C16orf95: variants seen among roughly 807,000 people sequenced by gnomAD.
C16orf95 encodes chromosome 16 open reading frame 95.
In C16orf95, 41 loss-of-function variants were observed where a neutral mutation model predicts 32.1. The ratio of observed to expected loss-of-function variants is 1.28; its 90% CI spans 1.00 to 1.66. C16orf95 has a LOEUF of 1.66. Ranked by LOEUF, C16orf95 falls within the 40% of genes most tolerant of loss-of-function variation. The pLI is 0.00. For missense variants in C16orf95, 399 were observed against 325.9 expected (o/e 1.22, Z -1.73); for synonymous variants, 147 against 128.9 (o/e 1.14, Z -0.95).
chr16:87,307,795 T>A (rs1274993830), intron 5 of C16orf95, among the ~76,000 whole-genome samples: 1 of 151,990 alleles, frequency 6.6e-6, no homozygotes, highest in Non-Finnish European at 1.5e-5. Flanking sequence ...ATAAAAAATA[T>A]CAACTTTGTT....
chr16:87,309,155 G>A (rs1911159137), intron 5 of C16orf95, among the ~76,000 whole-genome samples: 2 of 152,064 alleles, frequency 1.3e-5, no homozygotes, highest in African/African-American at 4.8e-5. Context: ...CCATAAATGT[G>A]ATGTTTGTTT....
chr16:87,308,513 A>C (rs1291600370), intron 5 of C16orf95, among the ~76,000 whole-genome samples: 1 of 130,904 alleles, frequency 7.6e-6, no homozygotes, highest in South Asian at 2.2e-4. Flanking sequence ...TAAATAAATA[A>C]ATAAATAAGC....
intron 5 of C16orf95, among the ~76,000 whole-genome samples, 183 bp downstream of exon 5, chr16:87,310,114 G>A (rs1167370252): frequency 6.6e-6 from 1 of 152,208 alleles, no homozygotes; most frequent in Non-Finnish European, 1.5e-5. Context: ...TGGGCTCACT[G>A]GGGGAAGGCA....
In C16orf95 at chr16:87,317,101, G is replaced by C. The variant is rs1222982283; in HGVS notation, c.142C>G (p.Gln48Glu). The C allele has an allele frequency of 6.6e-7, 1 of 1,525,856 alleles. No individual in the cohort carries two copies. Among genetic ancestry groups the C allele is most frequent in the South Asian group, 1.2e-5 (1 of 82,952 alleles). 94.5% of individuals were successfully genotyped at this position (1,525,856 alleles called of 1,614,324 possible). ...TCAGGACTCACTTGCCTGCCATCCTGCGCGCTGGGTGTGAGTGCCAACCTG... is the reference window on the plus strand; with the variant it reads ...TCAGGACTCACTTGCCTGCCATCCTCCGCGCTGGGTGTGAGTGCCAACCTG... Reference protein sequence around the residue: ...LCRLALTPSAQDGRNSTFQTY... With the variant: ...LCRLALTPSAEDGRNSTFQTY... Residue 48 changes from glutamine (Q) to glutamate (E), a missense_variant, in exon 1 of 7, where the codon CAG (glutamine) becomes GAG (glutamate). Coordinates refer to ENST00000567970, the MANE Select transcript of C16orf95 (RefSeq NM_001195124.3).
intron 6 of C16orf95, among the ~76,000 whole-genome samples, chr16:87,304,337 G>C (rs1308354445): frequency 6.6e-6 from 1 of 152,082 alleles, no homozygotes; most frequent in Admixed American, 6.5e-5. Context: ...TCCAGGTGTG[G>C]GCCACTGTGC....
chr16:87,307,287 G>A (rs925008710), intron 5 of C16orf95, among the ~76,000 whole-genome samples: 3 of 152,278 alleles, frequency 2.0e-5, no homozygotes, highest in African/African-American at 7.2e-5. Flanking sequence ...AGAAAGTAAT[G>A]GTGGGTGTGG....
chr16:87,311,556 C>G (rs1452249720), intron 3 of C16orf95, among the ~76,000 whole-genome samples: 1 of 152,226 alleles, frequency 6.6e-6, no homozygotes, highest in Non-Finnish European at 1.5e-5. Context: ...ACCATCTGCA[C>G]CTGTGCCCTG....
In C16orf95 at chr16:87,315,788, C is replaced by A; in HGVS notation, c.188G>T (p.Cys63Phe). The stretch of plus-strand genomic sequence containing the variant: ...TTTCCTTACCGAATGACGGGGGAGG[C>A]ACACTTCTTTCTTGTAGGTTTGAAA... ...STFQTYKKEV[C>F]LPRHSMHPGP... Residue 63 changes from cysteine to phenylalanine, a missense_variant, in exon 2 of 7, where the codon TGC becomes TTC. Physicochemically the swap from Cys to Phe is radical, Grantham distance 205 (BLOSUM62 -2). Coordinates refer to ENST00000567970, the MANE Select transcript of C16orf95 (RefSeq NM_001195124.3). The A allele has an allele frequency of 6.5e-7, 1 of 1,530,792 alleles. No homozygotes were observed. The highest frequency in any genetic ancestry group is 1.2e-5 in the South Asian group (1 of 82,986). 94.8% of individuals were successfully genotyped at this position (1,530,792 alleles called of 1,614,324 possible).
In C16orf95 at chr16:87,317,125, T is replaced by G. The variant is rs978961384; in HGVS notation, c.118A>C (p.Arg40=). 3.9e-5 allele frequency: 60 copies of G among 1,532,822 alleles called. No individual in the cohort carries two copies. The highest frequency in any genetic ancestry group is 5.2e-5 in the Non-Finnish European group (59 of 1,145,064). 95.0% of individuals were successfully genotyped at this position (1,532,822 alleles called of 1,614,324 possible). The change falls in exon 1 of 7, where the codon AGG becomes CGG. Residue 40 remains arginine (R), a synonymous_variant. Transcript: ENST00000567970. ...TGCGCGCTGGGTGTGAGTGCCAACC[T>G]GCAGAGCCCGACGCACCCCGCGCCC... is the stretch of plus-strand genomic sequence containing the variant. ...GPGAGCVGLC[R]LALTPSAQDG... is the part of the protein sequence containing the mutation.
chr16:87,305,728 A>G lies in C16orf95; in HGVS notation c.692T>C (p.Met231Thr). ...TLLQAIPRVI[M>T]AIRQCFGV is the part of the protein sequence containing the mutation. ...TCCCCCACCTGCTCACCGAATGGCC[A>G]TGATGACCCTCGGGATGGCCTGGAG... The change falls in exon 6 of 7, where the codon ATG (methionine) becomes ACG (threonine). Residue 231 changes from methionine (M) to threonine (T), a missense_variant. Coordinates refer to ENST00000567970, the MANE Select transcript of C16orf95 (RefSeq NM_001195124.3). The surrounding 1 kb of genome is among the most constrained non-coding windows in gnomAD (Gnocchi z 4.2). The G allele has an allele frequency of 6.6e-7, 1 of 1,507,076 alleles. No individual in the cohort carries two copies. The highest frequency in any genetic ancestry group is 8.8e-7 in the Non-Finnish European group (1 of 1,133,448). 93.4% of individuals were successfully genotyped at this position (1,507,076 alleles called of 1,614,324 possible). A position where few individuals can be genotyped will look rare whatever the true frequency, so the allele number is the denominator to read the frequency against.
At chr16:87,314,160 C>T (rs34233496) in intron 3 of C16orf95, among the ~76,000 whole-genome samples, 43,765 of 151,854 alleles carry the variant, frequency 0.29, 7,727 homozygotes, top group Non-Finnish European at 0.41. Context: ...AATTCCACTC[C>T]TTGGTATTTA....
In C16orf95 at chr16:87,305,138, C is replaced by T. The variant is rs751749241; in HGVS notation, c.701+581G>A. Reference sequence around the variant, plus strand: ...TGTTCCCCGAAGCCCAGCTGTGGCCCGGGGAGTGGCCCCGGAGGCTTCCTG... The same window carrying T: ...TGTTCCCCGAAGCCCAGCTGTGGCCTGGGGAGTGGCCCCGGAGGCTTCCTG... On this transcript the variant is annotated intron_variant, in intron 6 of 6. Coordinates refer to ENST00000567970, the MANE Select transcript of C16orf95 (RefSeq NM_001195124.3). This position sits in a 1 kb window ranked among gnomAD's most constrained non-coding sequence, Gnocchi z 4.2. Among the ~76,000 whole-genome samples the T allele has an allele frequency of 1.3e-5, 2 of 152,160 alleles. No homozygotes were observed. The highest frequency in any genetic ancestry group is 2.9e-5 in the Non-Finnish European group (2 of 68,036).
At chr16:87,308,125 G>A (rs1460537196) in intron 5 of C16orf95, among the ~76,000 whole-genome samples, 1 of 152,164 alleles carries the variant, frequency 6.6e-6, no homozygotes. Flanking sequence ...AAGGACTCTG[G>A]TGGAGCTTTC....
chr16:87,305,704 C>G lies in C16orf95; in HGVS notation c.701+15G>C. The G allele has an allele frequency of 1.3e-6, 2 of 1,490,686 alleles. No individual in the cohort carries two copies. Among genetic ancestry groups the G allele is most frequent in the South Asian group, 2.6e-5 (2 of 78,420 alleles). 92.3% of individuals were successfully genotyped at this position (1,490,686 alleles called of 1,614,324 possible). A position where few individuals can be genotyped will look rare whatever the true frequency, so the allele number is the denominator to read the frequency against. On this transcript the variant is annotated intron_variant, in intron 6 of 6. Coordinates refer to ENST00000567970, the MANE Select transcript of C16orf95 (RefSeq NM_001195124.3). The surrounding 1 kb of genome is among the most constrained non-coding windows in gnomAD (Gnocchi z 4.2). ...GCCAGGGCCACCCACTGTCCCCCAT[C>G]CCCCACCTGCTCACCGAATGGCCAT...
rs540816679 is a variant in C16orf95 at position 87,311,214 on chromosome 16, G to A, written c.413C>T (p.Pro138Leu). ...CATCACTGCCTGGTCCCTAGGCATC[G>A]GGAGGCGGCCCCCAAAGCGGTGGCA... is the stretch of plus-strand genomic sequence containing the variant. ...CLCHRFGGRL[P>L]MPRDQAVMPY... The change falls in exon 4 of 7, where the codon CCG becomes CTG. Residue 138 changes from proline (P) to leucine (L), a missense_variant. By Grantham distance (98) the Pro-to-Leu change is moderately conservative (BLOSUM62 -3). Coordinates refer to ENST00000567970, the MANE Select transcript of C16orf95 (RefSeq NM_001195124.3). 1.8e-5 allele frequency: 28 copies of A among 1,535,822 alleles called. No homozygotes were observed. The highest frequency in any genetic ancestry group is 4.8e-5 in the South Asian group (4 of 84,046).
At chr16:87,309,372 CTTTTTTTTTTTTT>C (rs10551847) in intron 5 of C16orf95, among the ~76,000 whole-genome samples, 8 of 86,040 alleles carry the variant, frequency 9.3e-5, no homozygotes, top group South Asian at 4.4e-4. Flanking sequence ...TCTTTCTTTT[CTTTTTTTTTTTTT>C]TTTTTTTTTT....
chr16:87,308,664 G>A (rs936684593), intron 5 of C16orf95, among the ~76,000 whole-genome samples: 4 of 152,204 alleles, frequency 2.6e-5, no homozygotes, highest in African/African-American at 7.2e-5. Context: ...GATAGCCATT[G>A]CTTTGGTTGT....
Position 87,305,212 on chromosome 16 carries a change from A to C in C16orf95, c.701+507T>G, listed in dbSNP as rs1910958673. ...CATGGCTGTGGGCAGCAAGGGTGCC[A>C]GGGGCGAAACTCGAAGCCTGGGCGA... is the stretch of plus-strand genomic sequence containing the variant. On this transcript the variant is annotated intron_variant, in intron 6 of 6. Transcript: ENST00000567970. The surrounding 1 kb of genome is among the most constrained non-coding windows in gnomAD (Gnocchi z 4.2). Among the ~76,000 whole-genome samples, 2 of 152,162 alleles carry C rather than the reference A, an allele frequency of 1.3e-5. No individual in the cohort carries two copies. Among genetic ancestry groups the C allele is most frequent in the African/African-American group, 4.8e-5 (2 of 41,462 alleles).
At position 87,305,851 on chromosome 16, in the gene C16orf95, T is replaced by C. The variant is rs1911000417; in HGVS notation, c.569A>G (p.Glu190Gly). Residue 190 changes from glutamate (E) to glycine (G), a missense_variant, in exon 6 of 7, where the codon GAG becomes GGG. Coordinates refer to ENST00000567970, the MANE Select transcript of C16orf95 (RefSeq NM_001195124.3). The surrounding 1 kb of genome is among the most constrained non-coding windows in gnomAD (Gnocchi z 4.2). ...CTGCTGGAACTTGGACAACAGGCAC[T>C]CATCACCGCAGATCCGCCAGCAGTT... ...WHNCWRICGD[E>G]CLLSKFQQLQ... The C allele has an allele frequency of 4.1e-6, 6 of 1,469,994 alleles. No individual in the cohort carries two copies. In the African/African-American group the frequency reaches 7.2e-5, roughly 18 times the overall value. The allele number at this position is 1,469,994 out of a possible 1,614,324, so 91.1% of individuals were successfully genotyped here. A position where few individuals can be genotyped will look rare whatever the true frequency, so the allele number is the denominator to read the frequency against.
Sources: allele counts gnomAD v4.1 joint callset (sites outside exome capture counted in the v4.1 genomes callset), GRCh38; gene constraint gnomAD v4.1.1; non-coding constraint Gnocchi (gnomAD v3.1); transcripts MANE v1.5; gene names NCBI Gene and HGNC (gene_info 2026-07-23, HGNC 2026-07-21).